CTIF: variants seen among roughly 807,000 people sequenced by gnomAD.
The protein encoded by CTIF is CBP80/20-dependent translation initiation factor.
Under a neutral mutation model 66.0 loss-of-function variants are expected in CTIF, and 21 were observed. The observed-to-expected ratio is 0.32, with a 90% confidence interval of 0.23 to 0.46. The LOEUF (loss-of-function observed/expected upper bound fraction) is 0.46, where lower values mean the gene tolerates loss of function less well. Ranked by LOEUF, CTIF falls within the 20% of genes least tolerant of loss-of-function variation. The probability of loss-of-function intolerance (pLI) is 1.00; values close to 1 mark genes in which losing one functional copy is unlikely to be tolerated. For synonymous variants in CTIF, 345 were observed against 326.4 expected (o/e 1.06, Z -0.62); for missense variants, 739 against 812.7 (o/e 0.91, Z 1.10).
intron 1 of CTIF, among the ~76,000 whole-genome samples, chr18:48,606,061 C>T (rs1403221459): frequency 1.3e-5 from 2 of 152,188 alleles, no homozygotes; most frequent in Non-Finnish European, 2.9e-5. Flanking sequence ...TTGTGGGAGG[C>T]CTCTGTAATC....
chr18:48,752,990 T>C (rs1230033730), intron 7 of CTIF, among the ~76,000 whole-genome samples: 2 of 152,210 alleles, frequency 1.3e-5, no homozygotes, highest in Admixed American at 1.3e-4. Context: ...GGGTCCTATA[T>C]GCCATCGCTC....
intron 5 of CTIF, among the ~76,000 whole-genome samples, chr18:48,669,591 CAACA>C (rs1030533224): frequency 5.3e-5 from 8 of 151,626 alleles, no homozygotes; most frequent in Middle Eastern, 3.2e-3. Context: ...TAAACAACAG[CAACA>C]ATATTAGTGG....
chr18:48,632,756 C>T (rs965644072), intron 2 of CTIF, among the ~76,000 whole-genome samples: 4 of 152,116 alleles, frequency 2.6e-5, no homozygotes, highest in Admixed American at 2.6e-4. Context: ...CAGCCCCTGC[C>T]GAGAGCACAC....
intron 9 of CTIF, among the ~76,000 whole-genome samples, chr18:48,778,433 A>G (rs1280514181): frequency 1.3e-5 from 2 of 152,232 alleles, no homozygotes; most frequent in African/African-American, 4.8e-5. Context: ...TGCACCGGGG[A>G]AAGCCACAGG....
intron 7 of CTIF, among the ~76,000 whole-genome samples, chr18:48,717,637 G>C (rs12608225): frequency 1.3e-5 from 2 of 152,002 alleles, no homozygotes; most frequent in Non-Finnish European, 2.9e-5. Flanking sequence ...AGTGAATTTT[G>C]TACTGTGTGA....
intron 1 of CTIF, among the ~76,000 whole-genome samples, chr18:48,613,187 G>T: frequency 6.6e-6 from 1 of 152,156 alleles, no homozygotes; most frequent in Non-Finnish European, 1.5e-5. Flanking sequence ...GTTTGTCACT[G>T]GGTGGGCAGG....
intron 6 of CTIF, among the ~76,000 whole-genome samples, chr18:48,671,291 T>C (rs1008752323): frequency 2.0e-5 from 3 of 152,140 alleles, no homozygotes; most frequent in Non-Finnish European, 2.9e-5. Flanking sequence ...TAGATACTTA[T>C]AGTGCTGGAC....
chr18:48,768,823 T>A (rs1405381544), intron 9 of CTIF, among the ~76,000 whole-genome samples: 2 of 152,088 alleles, frequency 1.3e-5, no homozygotes, highest in African/African-American at 4.8e-5. Flanking sequence ...GAGGATCCAT[T>A]CAGGCCAGGA....
At position 48,859,388 on chromosome 18, in the gene CTIF, G is replaced by T. The variant is rs780696378; in HGVS notation, c.1626G>T (p.Met542Ile). The T allele has an allele frequency of 6.2e-7, 1 of 1,614,156 alleles. No individual in the cohort carries two copies. The highest frequency in any genetic ancestry group is 1.1e-5 in the South Asian group (1 of 91,086). Residue 542 changes from methionine (M) to isoleucine (I), a missense_variant, in exon 12 of 12, where the codon ATG becomes ATT. By Grantham distance (10) the Met-to-Ile change is conservative (BLOSUM62 1). Transcript: ENST00000256413. The part of the protein sequence containing the change: ...GRLLEEQLPE[M>I]MTELLASARD... ...TGCTGGAGGAACAGCTGCCTGAGAT[G>T]ATGACAGAGCTCCTGGCCAGCGCAC...
chr18:48,568,574 T>C (rs1315174955), intron 1 of CTIF, among the ~76,000 whole-genome samples: 3 of 140,068 alleles, frequency 2.1e-5, no homozygotes, highest in Non-Finnish European at 3.0e-5. Flanking sequence ...GTCAGCAGGG[T>C]TGGTGTAATA....
At chr18:48,637,008 A>T (rs767577370) in intron 3 of CTIF, among the ~76,000 whole-genome samples, 2 of 152,242 alleles carry the variant, frequency 1.3e-5, no homozygotes, top group African/African-American at 2.4e-5. Context: ...GTGGAATATT[A>T]CACGGCTCTC....
chr18:48,832,173 C>CTTTTTTTTTT (rs61221781), intron 10 of CTIF, among the ~76,000 whole-genome samples: 2,993 of 128,088 alleles, frequency 0.023, 191 homozygotes, highest in African/African-American at 0.083. Context: ...CGTGGTCCTT[C>CTTTTTTTTTT]TTTTTTTTTT....
chr18:48,567,945 C>T (rs2089315990), intron 1 of CTIF: 1 of 152,344 alleles, frequency 6.6e-6, no homozygotes, highest in Non-Finnish European at 1.5e-5. Flanking sequence ...CTGGAGAGAA[C>T]AGCTGAATGT....
Position 48,636,636 on chromosome 18 carries a change from C to T in CTIF, c.203C>T (p.Pro68Leu), listed in dbSNP as rs200501668. ...ISQWTADCSEPLDSSCSFSRG... is the reference protein window; with the variant it reads ...ISQWTADCSELLDSSCSFSRG... Reference sequence around the variant, plus strand: ...CAGTGGACAGCGGACTGCAGCGAACCGCTGGACAGCAGCTGTTCCTTCTCC... The same window carrying T: ...CAGTGGACAGCGGACTGCAGCGAACTGCTGGACAGCAGCTGTTCCTTCTCC... The change falls in exon 3 of 12, where the codon CCG becomes CTG. Residue 68 changes from proline to leucine, a missense_variant. By Grantham distance (98) the Pro-to-Leu change is moderately conservative (BLOSUM62 -3). Coordinates refer to ENST00000256413, the MANE Select transcript of CTIF (RefSeq NM_014772.3). 300 of 1,594,394 alleles carry T rather than the reference C, an allele frequency of 1.9e-4. No homozygotes were observed. Among genetic ancestry groups the T allele is most frequent in the Non-Finnish European group, 2.4e-4 (283 of 1,172,410 alleles).
At chr18:48,810,538 A>G (rs891793823) in intron 9 of CTIF, among the ~76,000 whole-genome samples, 1 of 152,064 alleles carries the variant, frequency 6.6e-6, no homozygotes, top group Non-Finnish European at 1.5e-5. Context: ...TACAATTTCT[A>G]TGTTTTGAAA....
At chr18:48,663,512 G>A (rs1295808335) in intron 3 of CTIF, among the ~76,000 whole-genome samples, 3 of 152,080 alleles carry the variant, frequency 2.0e-5, no homozygotes, top group South Asian at 2.1e-4. Flanking sequence ...CCATGGGCCT[G>A]GGGCAGCAGG....
chr18:48,714,131 A>G (rs2145504725), intron 7 of CTIF, among the ~76,000 whole-genome samples: 1 of 152,328 alleles, frequency 6.6e-6, no homozygotes, highest in Non-Finnish European at 1.5e-5. Flanking sequence ...GCAGAATATT[A>G]TCAGGTGACC....
intron 4 of CTIF, 47 bp downstream of exon 4, chr18:48,663,872 G>A: frequency 1.3e-6 from 2 of 1,547,986 alleles, no homozygotes; most frequent in Non-Finnish European, 1.8e-6. Context: ...TCCAGCCGGG[G>A]AAACTGGCTT....
At chr18:48,633,427 A>G (rs1006574021) in intron 2 of CTIF, among the ~76,000 whole-genome samples, 1 of 123,418 alleles carries the variant, frequency 8.1e-6, no homozygotes, top group African/African-American at 2.5e-5. Context: ...TGTGGACTGG[A>G]CATGGTGGCT....
Sources: gnomAD v4.1 joint callset for allele counts (sites outside exome capture counted in the v4.1 genomes callset) on GRCh38, gnomAD v4.1.1 for gene constraint, MANE v1.5 for transcripts, NCBI Gene and HGNC (gene_info 2026-07-23, HGNC 2026-07-21) for gene names.